FRMD4A: variants seen among roughly 807,000 people sequenced by gnomAD.
FRMD4A encodes the protein FERM domain containing 4A, also known as FERM domain-containing protein 4A.
In FRMD4A, 29 loss-of-function variants were observed where a neutral mutation model predicts 129.1. That is an observed-to-expected ratio of 0.22 (90% CI 0.17 to 0.31). The LOEUF (loss-of-function observed/expected upper bound fraction) is 0.31. FRMD4A is among the 10% of genes least tolerant of loss of function. The pLI is 1.00. For missense variants in FRMD4A, 1,272 were observed against 1,375.8 expected (o/e 0.92, Z 1.19); for synonymous variants, 634 against 571.6 (o/e 1.11, Z -1.56).
intron 2 of FRMD4A, among the ~76,000 whole-genome samples, chr10:13,912,138 C>T (rs2094947092): frequency 6.6e-6 from 1 of 152,072 alleles, no homozygotes; most frequent in Admixed American, 6.6e-5. Flanking sequence ...TTAACTTTGA[C>T]AATGAACCCT....
chr10:13,725,748 T>C (rs1387571625), intron 12 of FRMD4A, among the ~76,000 whole-genome samples: 1 of 152,208 alleles, frequency 6.6e-6, no homozygotes, highest in Non-Finnish European at 1.5e-5. Flanking sequence ...AATAACCCTC[T>C]TCACAAAGAG....
intron 2 of FRMD4A, chr10:13,971,777 G>T (rs928104701): frequency 2.3e-6 from 3 of 1,304,202 alleles, no homozygotes; most frequent in Non-Finnish European, 3.0e-6. Flanking sequence ...TGGGTCCTCA[G>T]AGCCAAGCAG....
chr10:13,865,011 G>C lies in FRMD4A; in HGVS notation c.46-6099C>G, dbSNP rs144140782. Among the ~76,000 whole-genome samples, 565 of 152,252 alleles carry C rather than the reference G, an allele frequency of 3.7e-3. 4 individuals are homozygous for C. Among genetic ancestry groups the C allele is most frequent in the African/African-American group, 0.013 (529 of 41,542 alleles). On this transcript the variant is annotated intron_variant, in intron 2 of 24. Transcript: ENST00000357447. ...TTTTTTTGAGAAAGGGTCTTGCTCT[G>C]TTGTCCAGGCTGGTGTGCAATGGTG...
intron 2 of FRMD4A, among the ~76,000 whole-genome samples, chr10:14,328,076 A>G (rs1843350485): frequency 6.6e-6 from 1 of 152,156 alleles, no homozygotes; most frequent in Non-Finnish European, 1.5e-5. Context: ...CATAGGGGAA[A>G]ATTTCCCTGA....
chr10:14,147,542 C>G (rs1345351961), intron 2 of FRMD4A, among the ~76,000 whole-genome samples: 1 of 151,974 alleles, frequency 6.6e-6, no homozygotes, highest in African/African-American at 2.4e-5. Flanking sequence ...AGCTTGTTTT[C>G]CTGCAACTAG....
At chr10:13,801,662 C>T (rs73595153) in intron 4 of FRMD4A, among the ~76,000 whole-genome samples, 2,207 of 152,332 alleles carry the variant, frequency 0.014, 45 homozygotes, top group African/African-American at 0.049. Context: ...AAAAAGCAAA[C>T]TGGAAACCAT....
intron 2 of FRMD4A, among the ~76,000 whole-genome samples, chr10:14,266,876 T>C (rs143877605): frequency 1.3e-5 from 2 of 152,312 alleles, no homozygotes; most frequent in East Asian, 3.9e-4. Context: ...GAGTAGTCAA[T>C]ATATGACTTA....
chr10:13,736,845 C>T (rs1000121535), intron 12 of FRMD4A, among the ~76,000 whole-genome samples: 1 of 152,188 alleles, frequency 6.6e-6, no homozygotes, highest in Non-Finnish European at 1.5e-5. Flanking sequence ...GCACTCGCCT[C>T]TAAGATATGT....
chr10:14,037,381 C>T (rs1372409385), intron 2 of FRMD4A, among the ~76,000 whole-genome samples: 1 of 152,056 alleles, frequency 6.6e-6, no homozygotes, highest in Non-Finnish European at 1.5e-5. Context: ...CCATGTCCAC[C>T]TAATTTTTGT....
chr10:14,175,271 C>T (rs1044922737), intron 2 of FRMD4A, among the ~76,000 whole-genome samples: 12 of 152,248 alleles, frequency 7.9e-5, no homozygotes, highest in Middle Eastern at 3.4e-3. Flanking sequence ...TGCCCCTGTC[C>T]CTTGCCCTTC....
At chr10:14,144,658 T>G (rs958585429) in intron 2 of FRMD4A, among the ~76,000 whole-genome samples, 1 of 152,198 alleles carries the variant, frequency 6.6e-6, no homozygotes, top group East Asian at 1.9e-4. Context: ...GGTGATCTCA[T>G]GCTGGGGTGC....
At chr10:14,020,763 C>T (rs1240436943) in intron 2 of FRMD4A, among the ~76,000 whole-genome samples, 9 of 152,014 alleles carry the variant, frequency 5.9e-5, no homozygotes, top group Non-Finnish European at 1.2e-4. Flanking sequence ...CCACAGGTTG[C>T]TGTGGTTCAG....
intron 2 of FRMD4A, among the ~76,000 whole-genome samples, chr10:14,024,495 C>T (rs374958742): frequency 3.3e-5 from 5 of 152,204 alleles, no homozygotes; most frequent in African/African-American, 7.2e-5. Flanking sequence ...GAAACACCGT[C>T]GGCGTCAAAT....
chr10:14,323,737 A>G (rs909185393), intron 2 of FRMD4A, among the ~76,000 whole-genome samples: 1 of 152,182 alleles, frequency 6.6e-6, no homozygotes, highest in Non-Finnish European at 1.5e-5. Flanking sequence ...CAGTAGGTCT[A>G]GACACATTAG....
intron 2 of FRMD4A, among the ~76,000 whole-genome samples, chr10:14,168,531 G>C (rs926089568): frequency 6.6e-6 from 1 of 152,162 alleles, no homozygotes; most frequent in Non-Finnish European, 1.5e-5. Flanking sequence ...TTTGCACTGT[G>C]ACCTCCCAGG....
intron 8 of FRMD4A, among the ~76,000 whole-genome samples, chr10:13,753,913 C>T (rs980920469): frequency 6.6e-6 from 1 of 152,072 alleles, no homozygotes; most frequent in Non-Finnish European, 1.5e-5. Flanking sequence ...TACCGAGTCT[C>T]GTTTTCTGGG....
chr10:13,673,365 C>T (rs537406803), intron 16 of FRMD4A, among the ~76,000 whole-genome samples: 8 of 152,192 alleles, frequency 5.3e-5, no homozygotes, highest in Admixed American at 2.0e-4. Flanking sequence ...TCTCACTCCA[C>T]GGCCCCTTGT....
intron 2 of FRMD4A, among the ~76,000 whole-genome samples, chr10:14,255,411 C>T (rs1057267287): frequency 3.3e-5 from 5 of 152,154 alleles, no homozygotes; most frequent in Admixed American, 6.5e-5. Flanking sequence ...GGTAACAGGA[C>T]ATTATATTAA....
intron 3 of FRMD4A, among the ~76,000 whole-genome samples, chr10:13,848,599 T>TGTGTGTGTAC (rs1481190585): frequency 1.7e-4 from 18 of 106,432 alleles, no homozygotes; most frequent in Non-Finnish European, 3.0e-4. Context: ...GGTGTGAGTG[T>TGTGTGTGTAC]GTGTGTGTAC....
Sources: gnomAD v4.1 joint callset for allele counts (sites outside exome capture counted in the v4.1 genomes callset) on GRCh38, gnomAD v4.1.1 for gene constraint, MANE v1.5 for transcripts, NCBI Gene and HGNC (gene_info 2026-07-23, HGNC 2026-07-21) for gene names.